The following LRRC14B variants were observed in gnomAD, a reference collection of about 807,000 sequenced individuals.
The protein encoded by LRRC14B is leucine-rich repeat-containing protein 14B.
In LRRC14B, 23 loss-of-function variants were observed where a neutral mutation model predicts 16.9. The ratio of observed to expected loss-of-function variants is 1.36; its 90% CI spans 0.98 to 1.92. LRRC14B has a LOEUF of 1.92. Ranked by LOEUF, LRRC14B falls within the 30% of genes most tolerant of loss-of-function variation. The probability of loss-of-function intolerance (pLI) is 0.00; values close to 1 mark genes in which losing one functional copy is unlikely to be tolerated. For synonymous variants in LRRC14B, 358 were observed against 332.5 expected (o/e 1.08, Z -0.83); for missense variants, 766 against 705.7 (o/e 1.09, Z -0.97).
intron 1 of LRRC14B, among the ~76,000 whole-genome samples, chr5:194,353 C>T (rs1287609192): frequency 6.6e-6 from 1 of 152,148 alleles, no homozygotes; most frequent in Admixed American, 6.5e-5. Flanking sequence ...GTTGACAAAA[C>T]AAACTTACCA....
Position 194,834 on chromosome 5 carries a change from C to T in LRRC14B, c.1026C>T (p.Asn342=). ...HLEVLDLSGH[N]LVSLYPSTFF... is the part of the protein sequence containing the mutation. Reference sequence around the variant, plus strand: ...AGGTGCTGGACCTCAGTGGACACAACCTGGTCAGCCTGTACCCCTCGACCT... The same window carrying T: ...AGGTGCTGGACCTCAGTGGACACAATCTGGTCAGCCTGTACCCCTCGACCT... The change falls in exon 2 of 2, where the codon AAC becomes AAT. Residue 342 remains asparagine, a synonymous_variant. Coordinates refer to ENST00000328278, the MANE Select transcript of LRRC14B (RefSeq NM_001080478.3). 2 of 1,598,024 alleles carry T rather than the reference C, an allele frequency of 1.3e-6. No homozygotes were observed. The highest frequency in any genetic ancestry group is 1.7e-6 in the Non-Finnish European group (2 of 1,172,400).
At position 191,832 on chromosome 5, in the gene LRRC14B, G is replaced by A; in HGVS notation, c.294G>A (p.Val98=). 1.3e-6 allele frequency: 2 copies of A among 1,528,764 alleles called. No individual in the cohort carries two copies. Among genetic ancestry groups the A allele is most frequent in the African/African-American group, 1.4e-5 (1 of 72,504 alleles). 94.7% of individuals were successfully genotyped at this position (1,528,764 alleles called of 1,614,324 possible). ...TGGTGCGCGGCCTCGCGGACCACGTGCTGCAGGACCGGAGCCGCCGGCGGC... is the reference window on the plus strand; with the variant it reads ...TGGTGCGCGGCCTCGCGGACCACGTACTGCAGGACCGGAGCCGCCGGCGGC... The part of the protein sequence containing the change: ...EALVRGLADH[V]LQDRSRRRLR... Residue 98 remains valine, a synonymous_variant, in exon 1 of 2, where the codon GTG becomes GTA. Transcript: ENST00000328278.
Position 192,235 on chromosome 5 carries a change from C to T in LRRC14B, c.697C>T (p.Leu233=), listed in dbSNP as rs1305225508. The change falls in exon 1 of 2, where the codon CTG becomes TTG. Residue 233 remains leucine, a synonymous_variant. Transcript: ENST00000328278. ...GCATGCGGGCCACGTGCAGCAGCTT[C>T]TGGCCCAGGTGGGCTTCCCCCGGCT... ...RLHAGHVQQL[L]AQVGFPRLAS... The T allele has an allele frequency of 1.3e-6, 2 of 1,595,150 alleles. No homozygotes were observed. Among genetic ancestry groups the T allele is most frequent in the Non-Finnish European group, 1.7e-6 (2 of 1,171,846 alleles).
At chr5:194,448 G>A (rs150337546) in intron 1 of LRRC14B, among the ~76,000 whole-genome samples, 1 of 152,196 alleles carries the variant, frequency 6.6e-6, no homozygotes, top group Non-Finnish European at 1.5e-5. Flanking sequence ...AACACTAAGC[G>A]AATGCACGTG....
intron 1 of LRRC14B, 31 bp from the exon 2 acceptor site, chr5:194,677 T>G: frequency 6.4e-7 from 1 of 1,560,416 alleles, no homozygotes; most frequent in Non-Finnish European, 8.7e-7. Context: ...GACCCTCCTC[T>G]CACCTGTGCT....
rs377330029 is a variant in LRRC14B at position 195,171 on chromosome 5, G to A, written c.1363G>A (p.Ala455Thr). The A allele has an allele frequency of 8.7e-6, 14 of 1,613,732 alleles. No homozygotes were observed. In the East Asian group the frequency reaches 1.1e-4, roughly 13 times the overall value. Reference protein sequence around the residue: ...KFNQQKYDEIAEELRAVLLRA... With the variant: ...KFNQQKYDEITEELRAVLLRA... ...CAACCAGCAGAAATACGACGAGATCGCCGAGGAGCTGCGTGCCGTGCTGCT... is the reference window on the plus strand; with the variant it reads ...CAACCAGCAGAAATACGACGAGATCACCGAGGAGCTGCGTGCCGTGCTGCT... Residue 455 changes from alanine to threonine, a missense_variant, in exon 2 of 2, where the codon GCC becomes ACC. Coordinates refer to ENST00000328278, the MANE Select transcript of LRRC14B (RefSeq NM_001080478.3).
Position 195,244 on chromosome 5 carries a change from G to A in LRRC14B, c.1436G>A (p.Ser479Asn). The change falls in exon 2 of 2, where the codon AGT (serine) becomes AAT (asparagine). Residue 479 changes from serine (S) to asparagine (N), a missense_variant. By Grantham distance (46) the Ser-to-Asn change is conservative. Coordinates refer to ENST00000328278, the MANE Select transcript of LRRC14B (RefSeq NM_001080478.3). Reference protein sequence around the residue: ...DIQVSTPLFGSFDPDIQETSN... With the variant: ...DIQVSTPLFGNFDPDIQETSN... ...CAAGTCTCCACACCTCTCTTTGGAA[G>A]TTTTGACCCAGACATTCAAGAAACA... The A allele has an allele frequency of 6.2e-7, 1 of 1,613,396 alleles. No individual in the cohort carries two copies. Among genetic ancestry groups the A allele is most frequent in the South Asian group, 1.1e-5 (1 of 91,084 alleles).
Position 192,198 on chromosome 5 carries a change from CA to C in LRRC14B, c.662del (p.Asn221ThrfsTer71), listed in dbSNP as rs755515431. On this transcript the variant is annotated frameshift_variant, in exon 1 of 2. Coordinates refer to ENST00000328278, the MANE Select transcript of LRRC14B (RefSeq NM_001080478.3). LOFTEE classifies it high-confidence loss of function. ...GALRKLEVVHNVRLHAGHVQQ... is the reference protein window; with the variant it reads ...GALRKLEVVHXVRLHAGHVQQ... ...CCCTGCGCAAGCTGGAGGTGGTGCA[CA>C]ACGTGCGGCTGCATGCGGGCCACGT... 2.5e-6 allele frequency: 4 copies of C among 1,600,768 alleles called. No homozygotes were observed. In the East Asian group the frequency reaches 9.0e-5, roughly 36 times the overall value.
At position 194,811 on chromosome 5, in the gene LRRC14B, G is replaced by A. The variant is rs775709081; in HGVS notation, c.1003G>A (p.Val335Met). Residue 335 changes from valine (V) to methionine (M), a missense_variant, in exon 2 of 2, where the codon GTG becomes ATG. By Grantham distance (21) the Val-to-Met change is conservative. Transcript: ENST00000328278. ...CTGTGCCCACGCTGCCCACCTGGAG[G>A]TGCTGGACCTCAGTGGACACAACCT... ...ADCAHAAHLE[V>M]LDLSGHNLVS... 6 of 1,607,818 alleles carry A rather than the reference G, an allele frequency of 3.7e-6. No individual in the cohort carries two copies. In the Admixed American group the frequency reaches 8.5e-5, roughly 23 times the overall value.
rs771754616 is a variant in LRRC14B, at chr5:195,038, C to T, written c.1230C>T (p.Thr410=). The part of the protein sequence containing the change: ...LSARALRRLF[T]ALCELPELRC... ...CCCGCGCCCTCCGGCGCCTCTTCAC[C>T]GCACTCTGTGAGCTCCCCGAGCTGC... Residue 410 remains threonine, a synonymous_variant, in exon 2 of 2, where the codon ACC becomes ACT. Coordinates refer to ENST00000328278, the MANE Select transcript of LRRC14B (RefSeq NM_001080478.3). 4.7e-5 allele frequency: 76 copies of T among 1,613,276 alleles called. No individual in the cohort carries two copies. Among genetic ancestry groups the T allele is most frequent in the Middle Eastern group, 1.6e-4 (1 of 6,082 alleles).
At chr5:193,392 C>G in intron 1 of LRRC14B, among the ~76,000 whole-genome samples, 1 of 72,014 alleles carries the variant, frequency 1.4e-5, no homozygotes, top group Non-Finnish European at 2.7e-5. Flanking sequence ...GGTGGGTCCT[C>G]AGGTGCTGGG....
At chr5:192,532 A>G in intron 1 of LRRC14B, 95 bp downstream of exon 1, 1 of 1,254,146 alleles carries the variant, frequency 8.0e-7, no homozygotes, top group Non-Finnish European at 1.0e-6. Context: ...CCATGAGGCT[A>G]CACGGCCTCC....
intron 1 of LRRC14B, among the ~76,000 whole-genome samples, chr5:193,764 G>A (rs1733856082): frequency 6.6e-6 from 1 of 152,020 alleles, no homozygotes; most frequent in African/African-American, 2.4e-5. Context: ...CCAGTCCTGG[G>A]TGGGGAGGGA....
Position 194,941 on chromosome 5 carries a change from G to GCATGCTGATC in LRRC14B, c.1135_1144dup (p.Leu382HisfsTer36). The GCATGCTGATC allele has an allele frequency of 6.2e-7, 1 of 1,613,084 alleles. No homozygotes were observed. The highest frequency in any genetic ancestry group is 8.5e-7 in the Non-Finnish European group (1 of 1,179,574). The stretch of plus-strand genomic sequence containing the variant: ...TGTGGCATCGTAGACAGCCACGTTG[G>GCATGCTGATC]CATGCTGATCCTGGGCCTGAGCCCC... On this transcript the variant is annotated frameshift_variant, in exon 2 of 2. Coordinates refer to ENST00000328278, the MANE Select transcript of LRRC14B (RefSeq NM_001080478.3). LOFTEE classifies it low-confidence loss of function (END_TRUNC).
At chr5:193,381 A>C (rs1243046434) in intron 1 of LRRC14B, among the ~76,000 whole-genome samples, 3 of 46,420 alleles carry the variant, frequency 6.5e-5, no homozygotes, top group Non-Finnish European at 1.2e-4. Flanking sequence ...AAGCACCTAG[A>C]GGTGGGTCCT....
chr5:194,309 T>C (rs954616848), intron 1 of LRRC14B, among the ~76,000 whole-genome samples: 1 of 151,568 alleles, frequency 6.6e-6, no homozygotes, highest in African/African-American at 2.4e-5. Flanking sequence ...CGTGGTCACA[T>C]GCATCACTTT....
At chr5:192,981 C>T (rs1245684749) in intron 1 of LRRC14B, among the ~76,000 whole-genome samples, 1 of 152,174 alleles carries the variant, frequency 6.6e-6, no homozygotes. Flanking sequence ...AGGATCCTCT[C>T]AGCAGATCTG....
At chr5:192,992 C>A (rs185533326) in intron 1 of LRRC14B, among the ~76,000 whole-genome samples, 3 of 152,078 alleles carry the variant, frequency 2.0e-5, no homozygotes, top group Non-Finnish European at 4.4e-5. Flanking sequence ...AGCAGATCTG[C>A]GTGAAGGAGG....
rs780582078 is a variant in LRRC14B, at chr5:195,161, C to T, written c.1353C>T (p.Tyr451=). ...LAMSKFNQQK[Y]DEIAEELRAV... ...TGTCCAAGTTCAACCAGCAGAAATACGACGAGATCGCCGAGGAGCTGCGTG... is the reference window on the plus strand; with the variant it reads ...TGTCCAAGTTCAACCAGCAGAAATATGACGAGATCGCCGAGGAGCTGCGTG... Residue 451 remains tyrosine, a synonymous_variant, in exon 2 of 2, where the codon TAC becomes TAT. Coordinates refer to ENST00000328278, the MANE Select transcript of LRRC14B (RefSeq NM_001080478.3). 4.2e-5 allele frequency: 67 copies of T among 1,613,786 alleles called. No homozygotes were observed. Among genetic ancestry groups the T allele is most frequent in the Middle Eastern group, 1.6e-4 (1 of 6,084 alleles).
Sources: allele counts gnomAD v4.1 joint callset (sites outside exome capture counted in the v4.1 genomes callset), GRCh38; gene constraint gnomAD v4.1.1; transcripts MANE v1.5; gene names NCBI Gene and HGNC (gene_info 2026-07-23, HGNC 2026-07-21).